INO80: variants seen among roughly 807,000 people sequenced by gnomAD.
INO80 encodes chromatin-remodeling ATPase INO80.
INO80 carries 20 observed loss-of-function variants against 203.4 expected under a neutral mutation model. The ratio of observed to expected loss-of-function variants is 0.10; its 90% CI spans 0.07 to 0.14. The LOEUF (loss-of-function observed/expected upper bound fraction) is 0.14. Ranked by LOEUF, INO80 falls within the 10% of genes least tolerant of loss-of-function variation. INO80 has a pLI of 1.00. For missense variants in INO80, 1,419 were observed against 1,914.4 expected, an observed-to-expected ratio of 0.74 and a Z score of 4.83; for synonymous variants, 726 against 685.2, an observed-to-expected ratio of 1.06 and a Z score of -0.93.
intron 9 of INO80, 100 bp downstream of exon 9, chr15:41,079,599 TGA>T: frequency 9.7e-7 from 1 of 1,028,966 alleles, no homozygotes; most frequent in Non-Finnish European, 1.5e-6. Context: ...AACAAAAAAT[TGA>T]CAGTGTCATT....
chr15:41,075,881 C>T (rs979367406), intron 9 of INO80, among the ~76,000 whole-genome samples: 5 of 152,182 alleles, frequency 3.3e-5, no homozygotes, highest in Non-Finnish European at 7.3e-5. Context: ...GTGTGAGCCA[C>T]TGCACCTGGC....
intron 24 of INO80, among the ~76,000 whole-genome samples, chr15:41,029,798 G>A (rs2044432234): frequency 6.6e-6 from 1 of 152,178 alleles, no homozygotes; most frequent in Admixed American, 6.5e-5. Flanking sequence ...GGAGGAAAAA[G>A]GTAAAAAGAT....
At chr15:41,029,329 G>T (rs946640388) in intron 24 of INO80, among the ~76,000 whole-genome samples, 1 of 152,112 alleles carries the variant, frequency 6.6e-6, no homozygotes, top group African/African-American at 2.4e-5. Flanking sequence ...GGTTCTTAAG[G>T]CTCATAGTTT....
At chr15:41,064,689 C>G (rs1342331781) in intron 14 of INO80, among the ~76,000 whole-genome samples, 1 of 152,106 alleles carries the variant, frequency 6.6e-6, no homozygotes, top group Non-Finnish European at 1.5e-5. Flanking sequence ...AGCTCCATCT[C>G]AAGACATCAG....
rs1893727581 is a variant in INO80, at chr15:40,979,388, T to TAGAC, written c.*831_*834dup. 6.5e-6 allele frequency: 1 copy of TAGAC among 152,838 alleles called. No individual in the cohort carries two copies. Among genetic ancestry groups the TAGAC allele is most frequent in the Non-Finnish European group, 1.5e-5 (1 of 68,248 alleles). 9.5% of individuals were successfully genotyped at this position (152,838 alleles called of 1,614,324 possible). ...TGTCCCTTCCTCTCTCAGTGCAATA[T>TAGAC]AGACAGTGCATACAGCCAAGCAGGG... On this transcript the variant is annotated 3_prime_UTR_variant, in exon 36 of 36. Transcript: ENST00000648947.
chr15:41,092,162 T>G lies in INO80; in HGVS notation c.402A>C (p.Glu134Asp). 4 of 1,605,744 alleles carry G rather than the reference T, an allele frequency of 2.5e-6. No homozygotes were observed. The highest frequency in any genetic ancestry group is 3.4e-6 in the Non-Finnish European group (4 of 1,173,280). The change falls in exon 5 of 36, where the codon GAA (glutamate) becomes GAC (aspartate). Residue 134 changes from glutamate to aspartate, a missense_variant. Glu to Asp is a conservative substitution (Grantham distance 45, BLOSUM62 2). Around this residue, in one of 9 missense-constraint regions of INO80, gnomAD observed 323 missense variants for 325.4 expected, o/e 0.99. Transcript: ENST00000648947. ...CACTCTGAGAATCAGCCTCGCTGGA[T>G]TCATCACTTAGCAGAATGCTCTGAA... ...KWLKSILLSD[E>D]SSEADSQSED...
rs1187100126 is a variant in INO80 at position 41,116,041 on chromosome 15, G to C, written c.-112C>G. ...GGCGGGGTGCGGGCGGGGTCCGGAG[G>C]GGGGGGTCGCCCCGCCGACGGTGGA... is the stretch of plus-strand genomic sequence containing the variant. On this transcript the variant is annotated 5_prime_UTR_variant, in exon 1 of 36. Transcript: ENST00000648947. The C allele has an allele frequency of 2.3e-5, 9 of 394,204 alleles. No homozygotes were observed. The highest frequency in any genetic ancestry group is 1.3e-4 in the Admixed American group (3 of 22,514). 24.4% of individuals were successfully genotyped at this position (394,204 alleles called of 1,614,324 possible). A position where few individuals can be genotyped will look rare whatever the true frequency, so the allele number is the denominator to read the frequency against.
chr15:41,023,442 G>A (rs2044325886), intron 25 of INO80: 1 of 423,730 alleles, frequency 2.4e-6, no homozygotes. Flanking sequence ...TGAACAGCAT[G>A]CATACTCTTA....
intron 27 of INO80, 36 bp downstream of exon 27, chr15:41,016,052 C>A: frequency 1.3e-6 from 2 of 1,570,372 alleles, no homozygotes; most frequent in South Asian, 2.3e-5. Context: ...AATTAAATGT[C>A]AAGGTATCCT....
chr15:41,040,132 C>A (rs534537281), intron 24 of INO80, among the ~76,000 whole-genome samples: 2 of 152,036 alleles, frequency 1.3e-5, no homozygotes, highest in East Asian at 3.9e-4. Flanking sequence ...CTGCTTAAGC[C>A]TAGGAGTTCA....
chr15:41,005,081 G>A (rs971845893), intron 28 of INO80, among the ~76,000 whole-genome samples: 1 of 151,402 alleles, frequency 6.6e-6, no homozygotes, highest in Non-Finnish European at 1.5e-5. Flanking sequence ...TGTAATCCCA[G>A]CTACTTGGGA....
At chr15:41,102,396 A>C (rs1239810084) in intron 1 of INO80, among the ~76,000 whole-genome samples, 3 of 151,508 alleles carry the variant, frequency 2.0e-5, no homozygotes, top group African/African-American at 4.8e-5. Flanking sequence ...GGCCAGGCGC[A>C]GTGGCTCATG....
intron 12 of INO80, 75 bp from the exon 13 acceptor site, chr15:41,070,622 G>A (rs1401191818): frequency 2.6e-5 from 32 of 1,207,800 alleles, no homozygotes; most frequent in Non-Finnish European, 3.3e-5. Flanking sequence ...CAAAAAGAAC[G>A]ACCAAGATAA....
intron 24 of INO80, among the ~76,000 whole-genome samples, chr15:41,032,669 T>C (rs2044508202): frequency 1.3e-5 from 2 of 152,200 alleles, no homozygotes; most frequent in East Asian, 1.9e-4. Context: ...TTTAGAACCT[T>C]TGTGTATTTT....
intron 14 of INO80, among the ~76,000 whole-genome samples, chr15:41,067,425 T>C (rs74014746): frequency 0.029 from 4,432 of 151,520 alleles, 215 homozygotes; most frequent in African/African-American, 0.1. Flanking sequence ...CTGAACATCA[T>C]ATGAAAAAAA....
At chr15:41,046,814 C>T (rs1183125278) in intron 23 of INO80, among the ~76,000 whole-genome samples, 2 of 151,878 alleles carry the variant, frequency 1.3e-5, no homozygotes, top group Non-Finnish European at 2.9e-5. Flanking sequence ...AATGGGGTTT[C>T]ACCATGTTAG....
rs2045455436 is a variant in INO80, at chr15:41,079,605, T to A, written c.1131+96A>T. On this transcript the variant is annotated intron_variant, in intron 9 of 35. Coordinates refer to ENST00000648947, the MANE Select transcript of INO80 (RefSeq NM_017553.3). The stretch of plus-strand genomic sequence containing the variant: ...AAAAAAAAAAACAAAAAATTGACAG[T>A]GTCATTGGTTAGATGTACAATTTTC... 1.4e-5 allele frequency: 15 copies of A among 1,054,350 alleles called. No individual in the cohort carries two copies. In the South Asian group the frequency reaches 2.0e-4, roughly 14 times the overall value. 65.3% of individuals were successfully genotyped at this position (1,054,350 alleles called of 1,614,324 possible).
intron 29 of INO80, among the ~76,000 whole-genome samples, chr15:40,997,031 C>T (rs1335793416): frequency 1.3e-5 from 2 of 152,204 alleles, no homozygotes; most frequent in Non-Finnish European, 2.9e-5. Flanking sequence ...AATCCCAGTA[C>T]TTTGGGAGGC....
chr15:41,049,794 G>T, intron 20 of INO80, 141 bp downstream of exon 20: 1 of 734,744 alleles, frequency 1.4e-6, no homozygotes, highest in East Asian at 2.6e-5. Flanking sequence ...GCTGAGGCAG[G>T]AGAATTGCCT....
Sources: allele counts gnomAD v4.1 joint callset (sites outside exome capture counted in the v4.1 genomes callset), GRCh38; gene constraint gnomAD v4.1.1; regional missense constraint gnomAD v4.1.1; transcripts MANE v1.5; gene names NCBI Gene and HGNC (gene_info 2026-07-23, HGNC 2026-07-21).